The following FBXW7 variants were observed in gnomAD, a reference collection of about 807,000 sequenced individuals.
FBXW7 encodes the protein F-box/WD repeat-containing protein 7.
In FBXW7, 11 loss-of-function variants were observed where a neutral mutation model predicts 86.3. The observed-to-expected ratio is 0.13, with a 90% CI of 0.08 to 0.21. The LOEUF (loss-of-function observed/expected upper bound fraction) is 0.21. FBXW7 is among the 10% of genes least tolerant of loss of function. The probability of loss-of-function intolerance (pLI) is 1.00; values close to 1 mark genes in which losing one functional copy is unlikely to be tolerated. For missense variants in FBXW7, 488 were observed against 847.4 expected, an observed-to-expected ratio of 0.58 and a Z score of 5.27; for synonymous variants, 313 against 297.9, an observed-to-expected ratio of 1.05 and a Z score of -0.52.
intron 2 of FBXW7, among the ~76,000 whole-genome samples, chr4:152,454,796 T>C (rs765770411): frequency 5.9e-5 from 9 of 152,152 alleles, no homozygotes; most frequent in Non-Finnish European, 8.8e-5. Context: ...AGACTGAATG[T>C]ACAGATATTT....
chr4:152,385,150 C>G (rs72955046), intron 4 of FBXW7, among the ~76,000 whole-genome samples: 399 of 152,050 alleles, frequency 2.6e-3, no homozygotes, highest in African/African-American at 9.1e-3. Context: ...CTCAGTGATA[C>G]CTTTGAAATC....
chr4:152,422,050 C>A (rs1413577123), intron 2 of FBXW7, among the ~76,000 whole-genome samples: 1 of 151,788 alleles, frequency 6.6e-6, no homozygotes. Context: ...AAGAGACTTG[C>A]TCAACACAGG....
At chr4:152,412,264 A>C (rs1738031663) in intron 3 of FBXW7, among the ~76,000 whole-genome samples, 1 of 152,144 alleles carries the variant, frequency 6.6e-6, no homozygotes, top group African/African-American at 2.4e-5. Flanking sequence ...AAAAATTTTC[A>C]GTGTTCAGTT....
rs1009272004 is a variant in FBXW7, at chr4:152,503,872, G to T, written c.-120+31069C>A. Among the ~76,000 whole-genome samples, 8 of 152,082 alleles carry T rather than the reference G, an allele frequency of 5.3e-5. No individual in the cohort carries two copies. The East Asian group carries it at 1.3e-3, about 26-fold the overall frequency. ...AGCTTTCTGAAACAGACTATGAAAAGCCCTATGTAAAGAGTTGAATTGTTC... is the reference window on the plus strand; with the variant it reads ...AGCTTTCTGAAACAGACTATGAAAATCCCTATGTAAAGAGTTGAATTGTTC... On this transcript the variant is annotated intron_variant, in intron 2 of 13. Transcript: ENST00000281708.
rs911191081 is a variant in FBXW7, at chr4:152,331,439, T to C, written c.986-571A>G. 2.6e-5 allele frequency among the ~76,000 whole-genome samples: 4 copies of C among 152,060 alleles called. No homozygotes were observed. In the South Asian group the frequency reaches 8.3e-4, roughly 31 times the overall value. On this transcript the variant is annotated intron_variant, in intron 8 of 13. Coordinates refer to ENST00000281708, the MANE Select transcript of FBXW7 (RefSeq NM_001349798.2). ...ATGACATGGATGAACCTTGAAGACA[T>C]TATGCTAAGTGAAATAAGCTGATTA...
intron 4 of FBXW7, among the ~76,000 whole-genome samples, chr4:152,396,052 T>A (rs970148538): frequency 6.6e-6 from 1 of 152,046 alleles, no homozygotes; most frequent in African/African-American, 2.4e-5. Context: ...GTCCATTTCA[T>A]TCATATCAAT....
intron 4 of FBXW7, chr4:152,352,415 T>C (rs1731900888): frequency 1.9e-6 from 3 of 1,602,874 alleles, no homozygotes; most frequent in Non-Finnish European, 2.6e-6. Context: ...ATTTTCCTTC[T>C]CAGGCAGGCA....
chr4:152,426,456 T>C (rs1361335592), intron 2 of FBXW7, among the ~76,000 whole-genome samples: 4 of 152,076 alleles, frequency 2.6e-5, no homozygotes, highest in African/African-American at 9.7e-5. Context: ...TTCAAGCGAT[T>C]CTTCTGCCTC....
At chr4:152,378,867 G>A (rs1206343721) in intron 4 of FBXW7, among the ~76,000 whole-genome samples, 2 of 151,966 alleles carry the variant, frequency 1.3e-5, no homozygotes, top group Non-Finnish European at 2.9e-5. Context: ...TTAGCCAGAT[G>A]CGGTGGCATG....
intron 4 of FBXW7, among the ~76,000 whole-genome samples, chr4:152,360,836 AATAT>A (rs375017480): frequency 6.8e-6 from 1 of 146,538 alleles, no homozygotes. Context: ...AAATATATTA[AATAT>A]ATATATATAT....
intron 4 of FBXW7, among the ~76,000 whole-genome samples, chr4:152,353,630 G>A (rs957203487): frequency 1.3e-5 from 2 of 152,222 alleles, no homozygotes; most frequent in East Asian, 3.9e-4. Context: ...TTAATCTGGA[G>A]TAAACAGGAG....
At chr4:152,389,345 A>G (rs1735803153) in intron 4 of FBXW7, among the ~76,000 whole-genome samples, 1 of 152,142 alleles carries the variant, frequency 6.6e-6, no homozygotes. Flanking sequence ...GTTGGTGATT[A>G]TAATAGTTAT....
chr4:152,336,170 G>C (rs1219501898), intron 7 of FBXW7, among the ~76,000 whole-genome samples: 1 of 152,056 alleles, frequency 6.6e-6, no homozygotes. Flanking sequence ...GGGAAACACA[G>C]ATGATATGCT....
chr4:152,390,541 T>C (rs1017426520), intron 4 of FBXW7, among the ~76,000 whole-genome samples: 9 of 152,112 alleles, frequency 5.9e-5, no homozygotes, highest in Middle Eastern at 3.2e-3. Flanking sequence ...ATTTCAGTCA[T>C]GCAAAAAGCC....
chr4:152,410,984 C>T (rs538707259), intron 4 of FBXW7, among the ~76,000 whole-genome samples: 5 of 152,190 alleles, frequency 3.3e-5, no homozygotes, highest in Non-Finnish European at 4.4e-5. Context: ...AATCATGTTT[C>T]ACCCGAAACC....
Position 152,535,115 on chromosome 4 carries a change from G to A in FBXW7, c.-213+12C>T, listed in dbSNP as rs1398830546. On this transcript the variant is annotated intron_variant, in intron 1 of 13. Transcript: ENST00000281708. Reference sequence around the variant, plus strand: ...GCGCTGCCAGGGGAGGGGAGGCGGCGGCCCCGCTTACCTCCTCTTTTCCTC... The same window carrying A: ...GCGCTGCCAGGGGAGGGGAGGCGGCAGCCCCGCTTACCTCCTCTTTTCCTC... 2.6e-5 allele frequency: 4 copies of A among 154,010 alleles called. No homozygotes were observed. Among genetic ancestry groups the A allele is most frequent in the Admixed American group, 2.0e-4 (3 of 15,304 alleles). The allele number at this position is 154,010 out of a possible 1,614,324, so 9.5% of individuals were successfully genotyped here.
intron 4 of FBXW7, among the ~76,000 whole-genome samples, chr4:152,383,267 C>T (rs1735250768): frequency 6.6e-6 from 1 of 152,022 alleles, no homozygotes; most frequent in South Asian, 2.1e-4. Context: ...CTAATTTCTC[C>T]TTCACAGTAT....
intron 13 of FBXW7, 52 bp downstream of exon 13, chr4:152,324,132 T>C (rs2126474169): frequency 7.1e-7 from 1 of 1,412,370 alleles, no homozygotes; most frequent in Non-Finnish European, 9.9e-7. Flanking sequence ...ATATTTCTCT[T>C]GAATAATGAT....
intron 2 of FBXW7, among the ~76,000 whole-genome samples, chr4:152,459,693 T>C (rs1742765695): frequency 6.6e-6 from 1 of 152,206 alleles, no homozygotes; most frequent in Non-Finnish European, 1.5e-5. Flanking sequence ...ATATATACTA[T>C]GTCTTTTCCT....
Sources: allele counts gnomAD v4.1 joint callset (sites outside exome capture counted in the v4.1 genomes callset), GRCh38; gene constraint gnomAD v4.1.1; transcripts MANE v1.5; gene names NCBI Gene and HGNC (gene_info 2026-07-23, HGNC 2026-07-21).